DLGAP2: variants seen among roughly 807,000 people sequenced by gnomAD.
DLGAP2 encodes disks large-associated protein 2.
DLGAP2 carries 26 observed loss-of-function variants against 100.3 expected under a neutral mutation model. The observed-to-expected ratio is 0.26, with a 90% CI of 0.19 to 0.36. The LOEUF is 0.36. Among genes scored for constraint, DLGAP2 ranks in the 10% least tolerant of loss-of-function variants. DLGAP2 has a pLI of 1.00. For synonymous variants in DLGAP2, 886 were observed against 630.1 expected, an observed-to-expected ratio of 1.41 and a Z score of -6.08; for missense variants, 1,858 against 1,453.2, an observed-to-expected ratio of 1.28 and a Z score of -4.53.
chr8:1,308,015 A>G (rs1235501303), intron 3 of DLGAP2, among the ~76,000 whole-genome samples: 1 of 152,166 alleles, frequency 6.6e-6, no homozygotes, highest in Non-Finnish European at 1.5e-5. Flanking sequence ...GTATTTTACC[A>G]CCGTTTTTCC....
intron 1 of DLGAP2, among the ~76,000 whole-genome samples, chr8:899,867 T>TGC (rs1798215470): frequency 6.6e-6 from 1 of 152,160 alleles, no homozygotes; most frequent in African/African-American, 2.4e-5. Flanking sequence ...ACACACCACT[T>TGC]ATTTGTTATG....
chr8:1,510,154 G>A (rs983158119), intron 4 of DLGAP2, among the ~76,000 whole-genome samples: 13 of 152,336 alleles, frequency 8.5e-5, no homozygotes, highest in African/African-American at 3.1e-4. Flanking sequence ...ATGGGCATTC[G>A]AAAAGGAGTC....
intron 2 of DLGAP2, among the ~76,000 whole-genome samples, chr8:1,081,533 G>A (rs1056423522): frequency 4.6e-5 from 7 of 152,096 alleles, no homozygotes; most frequent in African/African-American, 7.2e-5. Context: ...TGTACTTGCA[G>A]TAGAGACAGG....
intron 2 of DLGAP2, among the ~76,000 whole-genome samples, chr8:1,055,601 G>C (rs968446717): frequency 6.6e-6 from 1 of 152,132 alleles, no homozygotes; most frequent in Non-Finnish European, 1.5e-5. Flanking sequence ...AAGGACGCTC[G>C]TCTTCTCACT....
At chr8:868,107 A>T (rs1018924170) in intron 1 of DLGAP2, among the ~76,000 whole-genome samples, 1 of 152,204 alleles carries the variant, frequency 6.6e-6, no homozygotes, top group African/African-American at 2.4e-5. Flanking sequence ...ATTAAAAATG[A>T]TGTTGCATTT....
chr8:1,698,126 G>A (rs549779229), intron 14 of DLGAP2, among the ~76,000 whole-genome samples: 11 of 152,168 alleles, frequency 7.2e-5, no homozygotes, highest in Non-Finnish European at 1.3e-4. Context: ...CATCATCATC[G>A]GCTCCTCCCA....
At chr8:1,228,082 G>C (rs758350215) in intron 2 of DLGAP2, among the ~76,000 whole-genome samples, 1 of 151,978 alleles carries the variant, frequency 6.6e-6, no homozygotes, top group Non-Finnish European at 1.5e-5. Context: ...CTGTTGTGGG[G>C]TGGGGGAATG....
At chr8:1,405,348 G>A (rs1357138316) in intron 3 of DLGAP2, among the ~76,000 whole-genome samples, 4 of 15,054 alleles carry the variant, frequency 2.7e-4, no homozygotes, top group African/African-American at 9.2e-4. Context: ...ATCGTCCTCC[G>A]GAGTCGTGTA....
intron 2 of DLGAP2, among the ~76,000 whole-genome samples, chr8:958,679 G>C (rs1246898188): frequency 1.3e-5 from 2 of 151,740 alleles, no homozygotes; most frequent in Non-Finnish European, 2.9e-5. Flanking sequence ...TCGTGCTTCT[G>C]TGTTGTATTT....
At position 1,281,465 on chromosome 8, in the gene DLGAP2, C is replaced by T. The variant is rs545357277; in HGVS notation, c.106+22582C>T. 6.7e-4 allele frequency among the ~76,000 whole-genome samples: 102 copies of T among 152,340 alleles called. 1 individual carries two copies. Among genetic ancestry groups the T allele is most frequent in the African/African-American group, 2.2e-3 (93 of 41,578 alleles). The stretch of plus-strand genomic sequence containing the variant: ...AAGTTCCTGCGCCTCCCCAGCCCTT[C>T]TGTCCCCTGGGCACAGGCTGAACAC... On this transcript the variant is annotated intron_variant, in intron 3 of 14. Coordinates refer to ENST00000637795, the MANE Select transcript of DLGAP2 (RefSeq NM_001346810.2).
chr8:1,419,560 A>T (rs964081881), intron 3 of DLGAP2, among the ~76,000 whole-genome samples: 1 of 152,088 alleles, frequency 6.6e-6, no homozygotes, highest in Non-Finnish European at 1.5e-5. Flanking sequence ...TTACATGTTG[A>T]TACGTGTACA....
chr8:915,701 C>G (rs1474788402), intron 2 of DLGAP2, among the ~76,000 whole-genome samples: 2 of 152,204 alleles, frequency 1.3e-5, no homozygotes, highest in African/African-American at 2.4e-5. Context: ...AATGTGTGGT[C>G]ATTTGTTAAA....
chr8:1,388,770 G>T, intron 3 of DLGAP2, among the ~76,000 whole-genome samples: 1 of 126,122 alleles, frequency 7.9e-6, no homozygotes, highest in African/African-American at 3.1e-5. Flanking sequence ...TGCCGTGGAT[G>T]AGGAGGCGCT....
chr8:1,287,654 G>GTGTA (rs1799969142), intron 3 of DLGAP2, among the ~76,000 whole-genome samples: 1 of 133,846 alleles, frequency 7.5e-6, no homozygotes, highest in Non-Finnish European at 1.6e-5. Context: ...GTGTGTGTGT[G>GTGTA]TGTGTATGGT....
At chr8:865,599 C>A (rs994725518) in intron 1 of DLGAP2, among the ~76,000 whole-genome samples, 1 of 152,214 alleles carries the variant, frequency 6.6e-6, no homozygotes, top group Non-Finnish European at 1.5e-5. Context: ...TCACCTCTCT[C>A]CAGCATATGC....
chr8:1,474,889 C>G (rs1156857777), intron 3 of DLGAP2, among the ~76,000 whole-genome samples: 2 of 152,130 alleles, frequency 1.3e-5, no homozygotes, highest in East Asian at 1.9e-4. Flanking sequence ...AGGTATATAG[C>G]CAAAGAAAAA....
chr8:1,121,112 C>G (rs766833733), intron 2 of DLGAP2, among the ~76,000 whole-genome samples: 1 of 151,804 alleles, frequency 6.6e-6, no homozygotes, highest in Non-Finnish European at 1.5e-5. Flanking sequence ...TCCTTCAGAC[C>G]CCATGACCTC....
chr8:1,023,855 A>ATG (rs1192338772), intron 2 of DLGAP2, among the ~76,000 whole-genome samples: 2 of 59,390 alleles, frequency 3.4e-5, no homozygotes, highest in African/African-American at 4.7e-5. Flanking sequence ...CAAACTTTAT[A>ATG]TATGTGTGTG....
chr8:909,023 G>A (rs1798433874), intron 2 of DLGAP2, among the ~76,000 whole-genome samples: 1 of 152,188 alleles, frequency 6.6e-6, no homozygotes, highest in African/African-American at 2.4e-5. Flanking sequence ...AAAACACCAG[G>A]TGTATTGAGA....
Sources: allele counts gnomAD v4.1 joint callset (sites outside exome capture counted in the v4.1 genomes callset), GRCh38; gene constraint gnomAD v4.1.1; transcripts MANE v1.5; gene names NCBI Gene and HGNC (gene_info 2026-07-23, HGNC 2026-07-21).